QTMAN: variants seen among roughly 807,000 people sequenced by gnomAD.
QTMAN encodes queuosine-tRNA mannosyltransferase.
chr2:144,121,646 T>TACAG, the QTMAN span, among the ~76,000 whole-genome samples: 4 of 152,200 alleles, frequency 2.6e-5, no homozygotes, highest in African/African-American at 4.8e-5. Context: ...CCTCCTAGAA[T>TACAG]ACAGACTCTG....
the QTMAN span, among the ~76,000 whole-genome samples, chr2:144,315,747 T>C: frequency 6.6e-6 from 1 of 152,176 alleles, no homozygotes; most frequent in African/African-American, 2.4e-5. Flanking sequence ...CCTTTTTACT[T>C]TTCTGTATTT....
the QTMAN span, among the ~76,000 whole-genome samples, chr2:144,066,456 A>G: frequency 2.6e-4 from 39 of 152,208 alleles, no homozygotes; most frequent in African/African-American, 8.0e-4. Context: ...CAGCACTTCA[A>G]AATGGTGTCC....
At chr2:144,245,985 C>A in the QTMAN span, among the ~76,000 whole-genome samples, 1 of 152,106 alleles carries the variant, frequency 6.6e-6, no homozygotes. Flanking sequence ...ATCCATTCTG[C>A]AGTTTTCAAT....
chr2:144,180,173 A>C, the QTMAN span, among the ~76,000 whole-genome samples: 1 of 152,182 alleles, frequency 6.6e-6, no homozygotes, highest in Non-Finnish European at 1.5e-5. Flanking sequence ...AGAATTCCTT[A>C]AGGGAAGCCA....
the QTMAN span, among the ~76,000 whole-genome samples, chr2:143,973,005 AT>A: frequency 6.6e-6 from 1 of 152,228 alleles, no homozygotes; most frequent in Non-Finnish European, 1.5e-5. Context: ...GTTGGTAATT[AT>A]TTTAGGAGAC....
At chr2:144,182,785 T>TTATA in the QTMAN span, among the ~76,000 whole-genome samples, 19 of 64,622 alleles carry the variant, frequency 2.9e-4, no homozygotes, top group East Asian at 3.9e-3. Context: ...ATCAGGTACA[T>TTATA]TATATATATA....
the QTMAN span, among the ~76,000 whole-genome samples, chr2:144,143,075 G>A: frequency 1.3e-5 from 2 of 151,954 alleles, no homozygotes; most frequent in African/African-American, 4.8e-5. Flanking sequence ...GGCCTGTGCT[G>A]CCAGATGATT....
At chr2:144,042,094 G>C in the QTMAN span, among the ~76,000 whole-genome samples, 82 of 152,274 alleles carry the variant, frequency 5.4e-4, 1 homozygote, top group East Asian at 0.011. Flanking sequence ...TTCCACAGAG[G>C]AATGACTTTC....
At chr2:144,227,729 A>G in the QTMAN span, among the ~76,000 whole-genome samples, 1 of 152,206 alleles carries the variant, frequency 6.6e-6, no homozygotes, top group Non-Finnish European at 1.5e-5. Flanking sequence ...GAGAGTTTCA[A>G]AAGTCCAAAC....
chr2:144,055,575 G>A, the QTMAN span, among the ~76,000 whole-genome samples: 9,596 of 152,108 alleles, frequency 0.063, 433 homozygotes, highest in South Asian at 0.14. Context: ...GTGCAAAGAA[G>A]GAAAGAGGAG....
the QTMAN span, among the ~76,000 whole-genome samples, chr2:144,185,950 G>A: frequency 6.6e-6 from 1 of 152,206 alleles, no homozygotes; most frequent in East Asian, 1.9e-4. Context: ...CAAATGGCAG[G>A]CAGGCAATGT....
the QTMAN span, among the ~76,000 whole-genome samples, chr2:143,960,556 T>G: frequency 6.6e-6 from 1 of 152,082 alleles, no homozygotes; most frequent in Non-Finnish European, 1.5e-5. Flanking sequence ...GGCTCATCTT[T>G]AGGAGTGTTT....
At chr2:144,204,823 A>G in the QTMAN span, among the ~76,000 whole-genome samples, 1 of 152,152 alleles carries the variant, frequency 6.6e-6, no homozygotes, top group South Asian at 2.1e-4. Context: ...ATAAAAAATG[A>G]TGAGTTCATG....
At chr2:144,224,354 T>A in the QTMAN span, among the ~76,000 whole-genome samples, 1 of 152,224 alleles carries the variant, frequency 6.6e-6, no homozygotes, top group African/African-American at 2.4e-5. Flanking sequence ...ATTCATTCAT[T>A]CAACAAATAC....
the QTMAN span, among the ~76,000 whole-genome samples, chr2:144,200,445 C>A: frequency 1.6e-4 from 25 of 152,314 alleles, no homozygotes; most frequent in Middle Eastern, 6.8e-3. Flanking sequence ...CAATCTTTGG[C>A]TTCTCTCAGC....
chr2:144,224,249 T>G, the QTMAN span, among the ~76,000 whole-genome samples: 5 of 152,212 alleles, frequency 3.3e-5, no homozygotes, highest in African/African-American at 1.2e-4. Flanking sequence ...TGATTTGATA[T>G]CATAAAAGTT....
the QTMAN span, among the ~76,000 whole-genome samples, chr2:144,054,882 A>T: frequency 1.3e-5 from 2 of 152,302 alleles, no homozygotes; most frequent in Non-Finnish European, 2.9e-5. Context: ...TAATGTTGAC[A>T]AGTGTGATAT....
chr2:144,190,685 G>T, the QTMAN span, among the ~76,000 whole-genome samples: 2 of 152,114 alleles, frequency 1.3e-5, no homozygotes, highest in Non-Finnish European at 2.9e-5. Flanking sequence ...TCATTTCCAA[G>T]AAATATTCAA....
chr2:144,191,618 T>A, the QTMAN span, among the ~76,000 whole-genome samples: 7 of 152,284 alleles, frequency 4.6e-5, no homozygotes, highest in Middle Eastern at 3.4e-3. Context: ...ATCCAACAAA[T>A]ATTTACTGAA....
Sources: gnomAD v4.1 joint callset for allele counts (sites outside exome capture counted in the v4.1 genomes callset) on GRCh38, gnomAD v4.1.1 for gene constraint, MANE v1.5 for transcripts, NCBI Gene and HGNC (gene_info 2026-07-23, HGNC 2026-07-21) for gene names.